The following SIGLEC6 variants were observed in gnomAD, a reference collection of about 807,000 sequenced individuals.
SIGLEC6 encodes sialic acid-binding Ig-like lectin 6.
SIGLEC6 carries 31 observed loss-of-function variants against 41.4 expected under a neutral mutation model. The observed-to-expected ratio is 0.75, with a 90% CI of 0.56 to 1.01. The LOEUF (loss-of-function observed/expected upper bound fraction) is 1.01, where lower values mean the gene tolerates loss of function less well. Among genes scored for constraint, SIGLEC6 ranks in the 50% least tolerant of loss-of-function variants. The probability of loss-of-function intolerance (pLI) is 0.00; values close to 1 mark genes in which losing one functional copy is unlikely to be tolerated. For missense variants in SIGLEC6, 555 were observed against 558.6 expected, an observed-to-expected ratio of 0.99 and a Z score of 0.06; for synonymous variants, 217 against 231.0, an observed-to-expected ratio of 0.94 and a Z score of 0.55.
intron 6 of SIGLEC6, 66 bp from the exon 7 acceptor site, chr19:51,527,894 T>G (rs77020082): frequency 0.079 from 116,921 of 1,480,966 alleles, 5,253 homozygotes; most frequent in Non-Finnish European, 0.091. Flanking sequence ...AAGAAAACCA[T>G]CTCCCCACTC....
At chr19:51,528,121 C>A (rs1979547639) in intron 6 of SIGLEC6, 39 bp downstream of exon 6, 1 of 1,563,170 alleles carries the variant, frequency 6.4e-7, no homozygotes. Flanking sequence ...GCCCTTCCCA[C>A]ATGAAGTCTT....
At chr19:51,523,595 T>C (rs1978666300) in intron 7 of SIGLEC6, among the ~76,000 whole-genome samples, 1 of 152,114 alleles carries the variant, frequency 6.6e-6, no homozygotes, top group East Asian at 1.9e-4. Flanking sequence ...TGCTAGAGGA[T>C]AAAAGTAGTA....
In SIGLEC6 at chr19:51,530,418, A is replaced by C. The variant is rs1980063155; in HGVS notation, c.754+19T>G. 2.5e-6 allele frequency: 4 copies of C among 1,611,856 alleles called. No individual in the cohort carries two copies. The highest frequency in any genetic ancestry group is 3.4e-6 in the Non-Finnish European group (4 of 1,178,078). ...GCTTCCATCTGGCCCTGGAGAGAAC[A>C]GGACTGGCTGGTTCCTACCTGCGCT... On this transcript the variant is annotated intron_variant, in intron 4 of 7. Coordinates refer to ENST00000425629, the MANE Select transcript of SIGLEC6 (RefSeq NM_001245.7).
Position 51,520,157 on chromosome 19 carries a change from T to C in SIGLEC6, c.1287A>G (p.Leu429=). The C allele has an allele frequency of 6.2e-7, 1 of 1,608,934 alleles. No homozygotes were observed. Among genetic ancestry groups the C allele is most frequent in the Non-Finnish European group, 8.5e-7 (1 of 1,176,014 alleles). Reference sequence around the variant, plus strand: ...CCTGAGGTTGCACCTTGTGGAAGTGTAGGACAGCGTAGTGGAGCTCCTGCT... The same window carrying C: ...CCTGAGGTTGCACCTTGTGGAAGTGCAGGACAGCGTAGTGGAGCTCCTGCT... ...EDEQELHYAV[L]HFHKVQPQEP... The change falls in exon 8 of 8, where the codon CTA becomes CTG. Residue 429 remains leucine, a synonymous_variant. Coordinates refer to ENST00000425629, the MANE Select transcript of SIGLEC6 (RefSeq NM_001245.7).
chr19:51,520,051 T>C lies in SIGLEC6; in HGVS notation c.*31A>G. The C allele has an allele frequency of 6.6e-7, 1 of 1,506,370 alleles. No individual in the cohort carries two copies. Among genetic ancestry groups the C allele is most frequent in the Non-Finnish European group, 9.0e-7 (1 of 1,106,982 alleles). 93.3% of individuals were successfully genotyped at this position (1,506,370 alleles called of 1,614,324 possible). On this transcript the variant is annotated 3_prime_UTR_variant, in exon 8 of 8. Transcript: ENST00000425629. ...ATACACTGAGAGGTACCATGTTCTC[T>C]CCAATCAAGGTTATGGCTTTGGACA...
rs1990660264 is a variant in SIGLEC6 at position 51,518,053 on chromosome 19, G to T, written c.*2029C>A. Among the ~76,000 whole-genome samples, 1 of 151,642 alleles carries T rather than the reference G, an allele frequency of 6.6e-6. No homozygotes were observed. Among genetic ancestry groups the T allele is most frequent in the African/African-American group, 2.4e-5 (1 of 41,248 alleles). On this transcript the variant is annotated 3_prime_UTR_variant, in exon 8 of 8. Coordinates refer to ENST00000425629, the MANE Select transcript of SIGLEC6 (RefSeq NM_001245.7). ...CTTTCCTAGGTTTTCATTTTTTTTG[G>T]ATCTCAAAAATCTAATCTGGGATCA...
rs1298693232 is a variant in SIGLEC6, at chr19:51,519,874, C to T, written c.*208G>A. The T allele has an allele frequency of 5.4e-5, 18 of 334,524 alleles. No homozygotes were observed. Among genetic ancestry groups the T allele is most frequent in the Non-Finnish European group, 9.3e-5 (17 of 183,328 alleles). The allele number at this position is 334,524 out of a possible 1,614,324, so 20.7% of individuals were successfully genotyped here. On this transcript the variant is annotated 3_prime_UTR_variant, in exon 8 of 8. Coordinates refer to ENST00000425629, the MANE Select transcript of SIGLEC6 (RefSeq NM_001245.7). ...ATGTGAAGACACAAGGAGGAGACAGCCATCTACAAGCCAACAAGAGAGGCC... is the reference window on the plus strand; with the variant it reads ...ATGTGAAGACACAAGGAGGAGACAGTCATCTACAAGCCAACAAGAGAGGCC...
intron 5 of SIGLEC6, chr19:51,529,454 G>A (rs918052940): frequency 1.6e-5 from 8 of 489,204 alleles, no homozygotes; most frequent in Admixed American, 6.7e-5. Flanking sequence ...AGGGGCTCAG[G>A]GAGCTGTTGA....
intron 3 of SIGLEC6, 49 bp from the exon 4 acceptor site, chr19:51,530,533 AG>A (rs1568556218): frequency 6.2e-7 from 1 of 1,612,130 alleles, no homozygotes. Context: ...GAGGGATGGT[AG>A]GCATGGGGCC....
chr19:51,528,122 A>C, intron 6 of SIGLEC6, 38 bp downstream of exon 6: 1 of 1,567,256 alleles, frequency 6.4e-7, no homozygotes, highest in Non-Finnish European at 8.8e-7. Flanking sequence ...CCCTTCCCAC[A>C]TGAAGTCTTT....
At chr19:51,530,301 C>A (rs945254183) in intron 4 of SIGLEC6, 136 bp downstream of exon 4, 4 of 822,268 alleles carry the variant, frequency 4.9e-6, no homozygotes, top group Non-Finnish European at 7.7e-6. Flanking sequence ...GCGACAAAGG[C>A]TGGGGGTGAG....
chr19:51,524,289 G>GA (rs1230032532), intron 7 of SIGLEC6, among the ~76,000 whole-genome samples: 1 of 152,058 alleles, frequency 6.6e-6, no homozygotes, highest in East Asian at 1.9e-4. Flanking sequence ...TAAGAGGAGG[G>GA]AAAATGCATA....
intron 7 of SIGLEC6, among the ~76,000 whole-genome samples, chr19:51,525,659 C>T (rs1054213459): frequency 9.2e-5 from 14 of 152,232 alleles, no homozygotes; most frequent in African/African-American, 3.4e-4. Context: ...ACCTTGATCA[C>T]TTTGCTGGCA....
At position 51,518,012 on chromosome 19, in the gene SIGLEC6, G is replaced by A. The variant is rs925145618; in HGVS notation, c.*2070C>T. Among the ~76,000 whole-genome samples, 13 of 151,932 alleles carry A rather than the reference G, an allele frequency of 8.6e-5. No individual in the cohort carries two copies. Among genetic ancestry groups the A allele is most frequent in the South Asian group, 4.1e-4 (2 of 4,822 alleles). ...TTACAACAAGTATTTGTTTCATTTT[G>A]CTCACATATTTGCTACTTTCCTAGG... On this transcript the variant is annotated 3_prime_UTR_variant, in exon 8 of 8. Coordinates refer to ENST00000425629, the MANE Select transcript of SIGLEC6 (RefSeq NM_001245.7).
intron 6 of SIGLEC6, 115 bp downstream of exon 6, chr19:51,528,045 A>G (rs548066335): frequency 3.0e-6 from 3 of 1,009,944 alleles, no homozygotes; most frequent in Admixed American, 2.0e-5. Flanking sequence ...CCCTTTCCTC[A>G]CTCTCGACTT....
chr19:51,520,315 A>C, intron 7 of SIGLEC6, 60 bp from the exon 8 acceptor site: 1 of 1,182,060 alleles, frequency 8.5e-7, no homozygotes, highest in African/African-American at 1.5e-5. Flanking sequence ...GAAAGCAGCC[A>C]AGGATCAGAA....
Position 51,530,669 on chromosome 19 carries a change from C to G in SIGLEC6, c.706+12G>C. 1 of 1,613,010 alleles carries G rather than the reference C, an allele frequency of 6.2e-7. No homozygotes were observed. The highest frequency in any genetic ancestry group is 8.5e-7 in the Non-Finnish European group (1 of 1,179,614). On this transcript the variant is annotated intron_variant, in intron 3 of 7. Coordinates refer to ENST00000425629, the MANE Select transcript of SIGLEC6 (RefSeq NM_001245.7). ...ACCCTCAGGGACCCGGGCGTCCTGG[C>G]CCAGCACTCACAGGAGACATTGAGC...
chr19:51,521,102 G>A (rs906895775), intron 7 of SIGLEC6, among the ~76,000 whole-genome samples: 2 of 152,210 alleles, frequency 1.3e-5, no homozygotes, highest in African/African-American at 4.8e-5. Context: ...GACAGGTACT[G>A]GAGGACAGAA....
At chr19:51,524,768 C>A (rs1978916877) in intron 7 of SIGLEC6, among the ~76,000 whole-genome samples, 1 of 152,148 alleles carries the variant, frequency 6.6e-6, no homozygotes, top group African/African-American at 2.4e-5. Context: ...GCCAACTAGA[C>A]CATCCAGAAG....
Sources: gnomAD v4.1 joint callset for allele counts (sites outside exome capture counted in the v4.1 genomes callset) on GRCh38, gnomAD v4.1.1 for gene constraint, MANE v1.5 for transcripts, NCBI Gene and HGNC (gene_info 2026-07-23, HGNC 2026-07-21) for gene names.